Variants in SSPN observed in about 807,000 individuals in gnomAD.
SSPN encodes sarcospan, also known as K-ras oncogene-associated protein.
Under a neutral mutation model 19.1 loss-of-function variants are expected in SSPN, and 15 were observed. That is an observed-to-expected ratio of 0.78 (90% CI 0.52 to 1.21). The LOEUF (loss-of-function observed/expected upper bound fraction) is 1.21, where lower values mean the gene tolerates loss of function less well. Among genes scored for constraint, SSPN ranks in the 50% most tolerant of loss-of-function variants. The probability of loss-of-function intolerance (pLI) is 0.00; values close to 1 mark genes in which losing one functional copy is unlikely to be tolerated. For missense variants in SSPN, 291 were observed against 314.0 expected, an observed-to-expected ratio of 0.93 and a Z score of 0.55; for synonymous variants, 147 against 140.3, an observed-to-expected ratio of 1.05 and a Z score of -0.34.
intron 1 of SSPN, among the ~76,000 whole-genome samples, chr12:26,175,230 T>G (rs1168342410): frequency 6.6e-6 from 1 of 152,240 alleles, no homozygotes. Context: ...TCTTTTCAAT[T>G]TTAGCTATTC....
chr12:26,158,558 A>G (rs1268264402), intron 1 of SSPN, among the ~76,000 whole-genome samples: 1 of 152,248 alleles, frequency 6.6e-6, no homozygotes, highest in Admixed American at 6.5e-5. Flanking sequence ...CAGGATCTGC[A>G]GGAAGTCCCT....
Position 26,233,331 on chromosome 12 carries a change from G to GATAGATATATATATATATATAT in SSPN, c.*2258_*2259insGATATATATATATATATATATA, listed in dbSNP as rs1945254266. The GATAGATATATATATATATATAT allele has an allele frequency of 6.9e-6, 1 of 144,696 alleles. No homozygotes were observed. The highest frequency in any genetic ancestry group is 2.7e-5 in the African/African-American group (1 of 36,616). The allele number at this position is 144,696 out of a possible 1,614,324, so 9.0% of individuals were successfully genotyped here. A position where few individuals can be genotyped will look rare whatever the true frequency, so the allele number is the denominator to read the frequency against. The stretch of plus-strand genomic sequence containing the variant: ...CTTTATAATAGTATAACCGTCAGGA[G>GATAGATATATATATATATATAT]ATATATATATATATATATACACATA... On this transcript the variant is annotated 3_prime_UTR_variant, in exon 3 of 3. Transcript: ENST00000242729. This position sits in a 1 kb window ranked among gnomAD's most constrained non-coding sequence, Gnocchi z 4.3.
chr12:26,167,774 C>A lies in SSPN; in HGVS notation c.-31+45622C>A, dbSNP rs79695354. Among the ~76,000 whole-genome samples, 18 of 152,264 alleles carry A rather than the reference C, an allele frequency of 1.2e-4. No homozygotes were observed. In the East Asian group the frequency reaches 3.5e-3, roughly 29 times the overall value. Reference sequence around the variant, plus strand: ...TTCTGAAGTAGAATTGGTTCTAGAGCCTAGATACTGAACACCCTGTTCCTC... The same window carrying A: ...TTCTGAAGTAGAATTGGTTCTAGAGACTAGATACTGAACACCCTGTTCCTC... On this transcript the variant is annotated intron_variant, in intron 1 of 2. Coordinates refer to the SSPN transcript ENST00000538142.
upstream of SSPN, among the ~76,000 whole-genome samples, chr12:26,195,174 G>A (rs984710744): frequency 6.6e-6 from 1 of 152,162 alleles, no homozygotes; most frequent in Non-Finnish European, 1.5e-5. Flanking sequence ...TTAACTTCTG[G>A]AAATGACTTC....
chr12:26,232,394 T>C lies in SSPN; in HGVS notation c.*1318T>C. 2.0e-6 allele frequency: 2 copies of C among 985,456 alleles called. No homozygotes were observed. Among genetic ancestry groups the C allele is most frequent in the Non-Finnish European group, 2.4e-6 (2 of 829,918 alleles). 61.0% of individuals were successfully genotyped at this position (985,456 alleles called of 1,614,324 possible). A position where few individuals can be genotyped will look rare whatever the true frequency, so the allele number is the denominator to read the frequency against. ...TGTGATTATTGTTGCTATTAAATTC[T>C]GAACTGTATCCATATTTTAAGGAAG... On this transcript the variant is annotated 3_prime_UTR_variant, in exon 3 of 3. Transcript: ENST00000242729.
chr12:26,161,450 C>T (rs914969737), intron 1 of SSPN, among the ~76,000 whole-genome samples: 3 of 152,174 alleles, frequency 2.0e-5, no homozygotes, highest in Admixed American at 6.5e-5. Context: ...TTTCCCTGCC[C>T]TGCCCCATCG....
chr12:26,211,495 T>G (rs1248290828), intron 1 of SSPN: 1 of 152,218 alleles, frequency 6.6e-6, no homozygotes. Flanking sequence ...TTGTAGTCAC[T>G]TTGTGCTGGC....
chr12:26,208,433 A>G (rs1944951349), intron 1 of SSPN, among the ~76,000 whole-genome samples: 1 of 152,072 alleles, frequency 6.6e-6, no homozygotes, highest in Non-Finnish European at 1.5e-5. Context: ...AATATTTTCT[A>G]TGGGTTGTTC....
At position 26,141,882 on chromosome 12, in the gene SSPN, C is replaced by T. The variant is rs149393312; in HGVS notation, c.-31+19730C>T. Among the ~76,000 whole-genome samples, 43 of 152,182 alleles carry T rather than the reference C, an allele frequency of 2.8e-4. No individual in the cohort carries two copies. The East Asian group carries it at 7.5e-3, about 27-fold the overall frequency. ...GAGAAGATGAGTAAAGCAATGATTA[C>T]AGAACAGTATAATGAAGGCTATAAA... On this transcript the variant is annotated intron_variant, in intron 1 of 2. Coordinates refer to the SSPN transcript ENST00000538142.
intron 1 of SSPN, among the ~76,000 whole-genome samples, chr12:26,189,961 T>C (rs1424951142): frequency 2.0e-5 from 3 of 152,152 alleles, no homozygotes; most frequent in Non-Finnish European, 4.4e-5. Context: ...CCTCCTAAGA[T>C]AGATAGATTT....
chr12:26,227,003 G>A (rs759023436), intron 2 of SSPN, among the ~76,000 whole-genome samples: 1 of 152,052 alleles, frequency 6.6e-6, no homozygotes, highest in Non-Finnish European at 1.5e-5. Flanking sequence ...CCGCGCCTCC[G>A]CCCGCTGCGC....
At chr12:26,179,943 T>G (rs1411290419) in intron 1 of SSPN, 3 of 47,536 alleles carry the variant, frequency 6.3e-5, no homozygotes, top group South Asian at 6.6e-4. Flanking sequence ...TTTTTTTTTT[T>G]GCAGGGCCAT....
intron 1 of SSPN, among the ~76,000 whole-genome samples, chr12:26,177,362 A>G (rs905849755): frequency 1.3e-5 from 2 of 152,172 alleles, no homozygotes; most frequent in African/African-American, 4.8e-5. Context: ...AGACACTCAG[A>G]TAAATCTTGG....
chr12:26,154,218 G>C (rs1348451164), intron 1 of SSPN, among the ~76,000 whole-genome samples: 1 of 152,076 alleles, frequency 6.6e-6, no homozygotes, highest in Non-Finnish European at 1.5e-5. Context: ...AAGATGACAG[G>C]GTTCATGAAG....
intron 1 of SSPN, among the ~76,000 whole-genome samples, chr12:26,142,862 G>C (rs1944468809): frequency 6.6e-6 from 1 of 152,294 alleles, no homozygotes; most frequent in Non-Finnish European, 1.5e-5. Context: ...AGAAATGCCT[G>C]GCTCCTTCAT....
At chr12:26,129,816 A>G (rs1944387473) in intron 1 of SSPN, among the ~76,000 whole-genome samples, 1 of 152,262 alleles carries the variant, frequency 6.6e-6, no homozygotes, top group Admixed American at 6.5e-5. Flanking sequence ...ATTGAGTATT[A>G]GAAATAAATT....
intron 1 of SSPN, among the ~76,000 whole-genome samples, chr12:26,174,474 C>CCCTTCCTTCCTTCCTTCCTTCCTTCCTT (rs1565678323): frequency 4.0e-5 from 3 of 74,412 alleles, no homozygotes; most frequent in African/African-American, 2.3e-4. Context: ...CTGCTACCCA[C>CCCTTCCTTCCTTCCTTCCTTCCTTCCTT]GCTTCCTTCC....
At chr12:26,128,128 G>A (rs902900573) in intron 1 of SSPN, among the ~76,000 whole-genome samples, 1 of 152,212 alleles carries the variant, frequency 6.6e-6, no homozygotes, top group Non-Finnish European at 1.5e-5. Flanking sequence ...GACCCTGGAC[G>A]ACTCTTACAC....
chr12:26,216,717 T>G (rs1465411586), intron 1 of SSPN, among the ~76,000 whole-genome samples: 3 of 114,818 alleles, frequency 2.6e-5, no homozygotes, highest in East Asian at 2.4e-4. Context: ...GGTCTAACAT[T>G]TAAGTCTTTA....
Sources: gnomAD v4.1 joint callset for allele counts (sites outside exome capture counted in the v4.1 genomes callset) on GRCh38, gnomAD v4.1.1 for gene constraint, Gnocchi (gnomAD v3.1) non-coding constraint, MANE v1.5 for transcripts, NCBI Gene and HGNC (gene_info 2026-07-23, HGNC 2026-07-21) for gene names.